Variants in EPHA4 observed in about 807,000 individuals in gnomAD.
EPHA4 encodes ephrin type-A receptor 4.
A neutral mutation model predicts 108.3 loss-of-function variants in EPHA4; 19 were observed. That is an observed-to-expected ratio of 0.18 (90% CI 0.12 to 0.26). The LOEUF is 0.26. EPHA4 is among the 10% of genes least tolerant of loss of function. The pLI is 1.00. For synonymous variants in EPHA4, 449 were observed against 455.5 expected, an observed-to-expected ratio of 0.99 and a Z score of 0.18; for missense variants, 917 against 1,254.0, an observed-to-expected ratio of 0.73 and a Z score of 4.06.
intron 4 of EPHA4, among the ~76,000 whole-genome samples, chr2:221,499,274 G>T (rs1178075552): frequency 6.7e-6 from 1 of 149,564 alleles, no homozygotes; most frequent in African/African-American, 2.4e-5. Context: ...TAGAAACTAG[G>T]TGAGTCTTCA....
intron 5 of EPHA4, among the ~76,000 whole-genome samples, chr2:221,464,616 A>T (rs534127198): frequency 2.6e-5 from 4 of 152,332 alleles, no homozygotes; most frequent in Admixed American, 6.5e-5. Flanking sequence ...TTTATAGTAC[A>T]AGAGTTTATA....
chr2:221,440,058 A>G (rs1453649003), intron 11 of EPHA4, among the ~76,000 whole-genome samples: 2 of 152,166 alleles, frequency 1.3e-5, no homozygotes, highest in African/African-American at 2.4e-5. Flanking sequence ...AACAAAGATG[A>G]ATGTCTCCAT....
chr2:221,523,727 G>A (rs945743502), intron 3 of EPHA4, among the ~76,000 whole-genome samples: 1 of 151,166 alleles, frequency 6.6e-6, no homozygotes, highest in African/African-American at 2.4e-5. Context: ...CTGGGTAGCT[G>A]AGATTACAGA....
intron 3 of EPHA4, among the ~76,000 whole-genome samples, chr2:221,544,514 T>C (rs1693928342): frequency 1.3e-5 from 2 of 152,082 alleles, no homozygotes; most frequent in South Asian, 4.1e-4. Flanking sequence ...TTAGTAGAGA[T>C]GGGGTTTCAA....
At chr2:221,490,104 C>T (rs1472792686) in intron 4 of EPHA4, among the ~76,000 whole-genome samples, 5 of 148,866 alleles carry the variant, frequency 3.4e-5, no homozygotes, top group Non-Finnish European at 7.4e-5. Context: ...TGGGATCATG[C>T]CACTGTACTC....
intron 4 of EPHA4, among the ~76,000 whole-genome samples, chr2:221,497,496 T>TG (rs1692333144): frequency 6.6e-6 from 1 of 152,188 alleles, no homozygotes. Context: ...CCCAGCACTT[T>TG]GAGAAGCTGA....
chr2:221,440,602 AGGTTCCTTTTTTTTTTTTTTTG>A (rs1690394514), intron 11 of EPHA4, among the ~76,000 whole-genome samples: 1 of 145,856 alleles, frequency 6.9e-6, no homozygotes, highest in African/African-American at 2.6e-5. Context: ...CTTCTCACCA[AGGTTCCTTTTTTTTTTTTTTTG>A]AAAGATTCTG....
intron 4 of EPHA4, among the ~76,000 whole-genome samples, chr2:221,484,937 C>T (rs904762468): frequency 4.6e-5 from 7 of 152,182 alleles, no homozygotes; most frequent in African/African-American, 1.7e-4. Context: ...GAGCTATCTT[C>T]AGCCCTGTTT....
intron 3 of EPHA4, among the ~76,000 whole-genome samples, chr2:221,516,464 C>T (rs1376466375): frequency 6.6e-6 from 1 of 150,702 alleles, no homozygotes; most frequent in African/African-American, 2.4e-5. Context: ...AAGTGATTCT[C>T]TTGCCTCTGC....
At chr2:221,526,729 C>T (rs1488744577) in intron 3 of EPHA4, among the ~76,000 whole-genome samples, 1 of 151,716 alleles carries the variant, frequency 6.6e-6, no homozygotes. Flanking sequence ...GGCCTATAAT[C>T]CCAGCTACTC....
chr2:221,570,410 T>C (rs1002007429), intron 1 of EPHA4, among the ~76,000 whole-genome samples: 4 of 150,680 alleles, frequency 2.7e-5, no homozygotes, highest in Admixed American at 2.6e-4. Flanking sequence ...TCCTAACAAG[T>C]GTGTGAAGTG....
chr2:221,517,605 A>G (rs1225455837), intron 3 of EPHA4, among the ~76,000 whole-genome samples: 1 of 152,018 alleles, frequency 6.6e-6, no homozygotes, highest in East Asian at 1.9e-4. Context: ...GACATAAAGG[A>G]CTAACTCTGC....
At chr2:221,523,238 A>T (rs1693227470) in intron 3 of EPHA4, among the ~76,000 whole-genome samples, 1 of 152,072 alleles carries the variant, frequency 6.6e-6, no homozygotes. Flanking sequence ...ACCCCCAACA[A>T]CGCTAAGAAG....
intron 4 of EPHA4, among the ~76,000 whole-genome samples, chr2:221,485,277 C>T (rs888863394): frequency 6.6e-6 from 1 of 151,820 alleles, no homozygotes; most frequent in Non-Finnish European, 1.5e-5. Flanking sequence ...AGCACTTCCA[C>T]GTGGAAAAAA....
rs1318816546 is a variant in EPHA4 at position 221,457,981 on chromosome 2, G to C, written c.1328C>G (p.Ser443Cys). 2 of 1,611,868 alleles carry C rather than the reference G, an allele frequency of 1.2e-6. No homozygotes were observed. The highest frequency in any genetic ancestry group is 1.7e-6 in the Non-Finnish European group (2 of 1,179,126). Residue 443 changes from serine to cysteine, a missense_variant, in exon 6 of 18, where the codon TCC becomes TGC. Transcript: ENST00000281821. The part of the protein sequence containing the change: ...TVTTNQAAPS[S>C]IALVQAKEVT... ...TTCTTTAGCCTGGACCAAAGCAATG[G>C]ATGATGGTGCTGTTAGAAAAAAACA...
chr2:221,526,757 G>A, intron 3 of EPHA4, among the ~76,000 whole-genome samples: 1 of 150,096 alleles, frequency 6.7e-6, no homozygotes, highest in Non-Finnish European at 1.5e-5. Flanking sequence ...TGAGGCAGGA[G>A]AATTGCTCGA....
chr2:221,456,570 A>C (rs920518594), intron 7 of EPHA4, 43 bp downstream of exon 7: 1 of 1,599,342 alleles, frequency 6.3e-7, no homozygotes, highest in Non-Finnish European at 8.5e-7. Flanking sequence ...CTGTATTATA[A>C]AAATAGCCTC....
intron 14 of EPHA4, among the ~76,000 whole-genome samples, chr2:221,433,620 C>G (rs1359760304): frequency 6.6e-6 from 1 of 152,006 alleles, no homozygotes; most frequent in Non-Finnish European, 1.5e-5. Flanking sequence ...TACTCCCTTA[C>G]GAAGTAGTCC....
chr2:221,489,247 C>G (rs552500406), intron 4 of EPHA4, among the ~76,000 whole-genome samples: 5 of 152,158 alleles, frequency 3.3e-5, no homozygotes, highest in Non-Finnish European at 5.9e-5. Flanking sequence ...ATGATAATTG[C>G]GTTTTGAAAT....
Sources: gnomAD v4.1 joint callset for allele counts (sites outside exome capture counted in the v4.1 genomes callset) on GRCh38, gnomAD v4.1.1 for gene constraint, MANE v1.5 for transcripts, NCBI Gene and HGNC (gene_info 2026-07-23, HGNC 2026-07-21) for gene names.